CELF2: variants seen among roughly 807,000 people sequenced by gnomAD.
The protein encoded by CELF2 is CUGBP Elav-like family member 2, also known as CUG triplet repeat RNA-binding protein 2.
Under a neutral mutation model 62.6 loss-of-function variants are expected in CELF2, and 8 were observed. The observed-to-expected ratio is 0.13, with a 90% CI of 0.07 to 0.23. The LOEUF (loss-of-function observed/expected upper bound fraction) is 0.23, where lower values mean the gene tolerates loss of function less well. Ranked by LOEUF, CELF2 falls within the 10% of genes least tolerant of loss-of-function variation. The pLI is 1.00. For missense variants in CELF2, 333 were observed against 671.0 expected (o/e 0.50, Z 5.56); for synonymous variants, 258 against 250.0 (o/e 1.03, Z -0.30).
chr10:10,900,463 T>A (rs1209943543), intron 1 of CELF2, among the ~76,000 whole-genome samples: 1 of 152,146 alleles, frequency 6.6e-6, no homozygotes, highest in Non-Finnish European at 1.5e-5. Context: ...AAAAACCACA[T>A]AATCATCTCA....
At chr10:10,653,670 G>A in the CELF2 span, among the ~76,000 whole-genome samples, 13 of 145,292 alleles carry the variant, frequency 8.9e-5, no homozygotes, top group Admixed American at 1.4e-4. Flanking sequence ...TGAAACCAAC[G>A]AGAACAAAGA....
upstream of CELF2, among the ~76,000 whole-genome samples, chr10:11,013,978 T>G (rs1435942983): frequency 2.0e-5 from 3 of 152,186 alleles, no homozygotes; most frequent in Admixed American, 1.3e-4. This position sits in a 1 kb window ranked among gnomAD's most constrained non-coding sequence, Gnocchi z 4.1. Context: ...AGTCAGATAT[T>G]CTCTCAGGTA....
At chr10:11,095,778 C>T (rs916013523) in intron 1 of CELF2, among the ~76,000 whole-genome samples, 3 of 152,040 alleles carry the variant, frequency 2.0e-5, no homozygotes, top group Admixed American at 6.5e-5. Context: ...TGACAGGAGA[C>T]GCTTCGAAAT....
intron 2 of CELF2, among the ~76,000 whole-genome samples, chr10:11,182,319 G>A (rs2073692512): frequency 6.6e-6 from 1 of 152,192 alleles, no homozygotes; most frequent in African/African-American, 2.4e-5. Flanking sequence ...AGATCCCGTA[G>A]TGCACACTGC....
chr10:10,849,906 G>T (rs2059273671), intron 1 of CELF2, among the ~76,000 whole-genome samples: 1 of 152,006 alleles, frequency 6.6e-6, no homozygotes, highest in South Asian at 2.1e-4. Flanking sequence ...ACTTTGGGAG[G>T]CCGAGGCAGG....
the CELF2 span, among the ~76,000 whole-genome samples, chr10:10,593,810 A>G: frequency 2.0e-5 from 3 of 152,190 alleles, no homozygotes; most frequent in Non-Finnish European, 4.4e-5. Context: ...TGGCTCCACC[A>G]CATTCCACAC....
At chr10:11,127,800 GAT>G (rs1564851945) in intron 1 of CELF2, among the ~76,000 whole-genome samples, 3 of 152,300 alleles carry the variant, frequency 2.0e-5, no homozygotes, top group Non-Finnish European at 2.9e-5. Flanking sequence ...CAGATGAGTA[GAT>G]TGTAACAATT....
intron 1 of CELF2, among the ~76,000 whole-genome samples, chr10:10,904,410 T>C (rs1200341819): frequency 6.6e-6 from 1 of 152,024 alleles, no homozygotes; most frequent in Non-Finnish European, 1.5e-5. Flanking sequence ...ATTTTTATTT[T>C]TTGTAAAGAC....
At chr10:10,858,622 G>C (rs1335934840) in intron 1 of CELF2, among the ~76,000 whole-genome samples, 5 of 151,928 alleles carry the variant, frequency 3.3e-5, no homozygotes, top group African/African-American at 9.7e-5. Flanking sequence ...TACTCCATTA[G>C]AATTAAAAAT....
At chr10:11,284,470 T>G (rs2090427679) in intron 8 of CELF2, among the ~76,000 whole-genome samples, 1 of 147,022 alleles carries the variant, frequency 6.8e-6, no homozygotes, top group African/African-American at 2.6e-5. Context: ...GATGAGTGTG[T>G]GGTGGGTGGA....
intron 3 of CELF2, among the ~76,000 whole-genome samples, chr10:11,248,887 C>T (rs2076353985): frequency 6.6e-6 from 1 of 152,224 alleles, no homozygotes; most frequent in Non-Finnish European, 1.5e-5. Context: ...TATCGAGTGG[C>T]AGAACCAGGT....
At chr10:10,676,736 T>C in the CELF2 span, among the ~76,000 whole-genome samples, 5 of 152,144 alleles carry the variant, frequency 3.3e-5, no homozygotes, top group Non-Finnish European at 7.4e-5. Flanking sequence ...GTTTCCAGTT[T>C]GGAGGGCAGA....
chr10:10,966,793 C>T (rs990089828), intron 2 of CELF2: 1 of 152,190 alleles, frequency 6.6e-6, no homozygotes, highest in Non-Finnish European at 1.5e-5. Context: ...TCCCCGTGCC[C>T]CGGAGCCCAG....
the CELF2 span, among the ~76,000 whole-genome samples, chr10:10,513,026 GT>G: frequency 2.0e-5 from 3 of 152,116 alleles, no homozygotes; most frequent in Admixed American, 6.5e-5. Context: ...CATGGTGGTG[GT>G]TTTCTGGTGA....
the CELF2 span, among the ~76,000 whole-genome samples, chr10:10,479,887 T>G: frequency 6.6e-6 from 1 of 152,196 alleles, no homozygotes; most frequent in Non-Finnish European, 1.5e-5. Flanking sequence ...CCTTTTTACC[T>G]TTTTCTGTGC....
chr10:11,026,398 G>A (rs1282248891), intron 1 of CELF2, among the ~76,000 whole-genome samples: 2 of 152,194 alleles, frequency 1.3e-5, no homozygotes, highest in African/African-American at 4.8e-5. Flanking sequence ...ACACACCCAG[G>A]TGTTTTCTCT....
In CELF2 at chr10:11,300,505, C is replaced by G. The variant is rs1296018331; in HGVS notation, c.976+11953C>G. Among the ~76,000 whole-genome samples the G allele has an allele frequency of 6.6e-6, 1 of 152,204 alleles. No homozygotes were observed. The highest frequency in any genetic ancestry group is 1.5e-5 in the Non-Finnish European group (1 of 68,036). On this transcript the variant is annotated intron_variant, in intron 9 of 12. Transcript: ENST00000633077. This position sits in a 1 kb window ranked among gnomAD's most constrained non-coding sequence, Gnocchi z 5.5. ...GGTCACACCTCACCACTGCAGCGCC[C>G]AGTGTCACTTTCCAACCCTACCTCC...
rs1205660356 is a variant in CELF2, at chr10:11,017,989, G to A, written c.-101G>A. The A allele has an allele frequency of 1.5e-5, 15 of 995,496 alleles. No individual in the cohort carries two copies. Among genetic ancestry groups the A allele is most frequent in the Non-Finnish European group, 1.7e-5 (14 of 837,636 alleles). The allele number at this position is 995,496 out of a possible 1,614,324, so 61.7% of individuals were successfully genotyped here. ...AGTGCCGGCTCGGCGGCCGCCGGGG[G>A]AGGCCGCGCGCACCTGTCCCTGCCC... On this transcript the variant is annotated 5_prime_UTR_variant, in exon 1 of 13. Coordinates refer to ENST00000633077, the MANE Select transcript of CELF2 (RefSeq NM_001326342.2). The surrounding 1 kb of genome is among the most constrained non-coding windows in gnomAD (Gnocchi z 5.5).
At chr10:10,967,086 T>G (rs1247323415) in intron 2 of CELF2, among the ~76,000 whole-genome samples, 5 of 152,070 alleles carry the variant, frequency 3.3e-5, no homozygotes, top group Non-Finnish European at 7.4e-5. Context: ...AGTACCAAAG[T>G]AGGTTCACGG....
Sources: allele counts gnomAD v4.1 joint callset (sites outside exome capture counted in the v4.1 genomes callset), GRCh38; gene constraint gnomAD v4.1.1; non-coding constraint Gnocchi (gnomAD v3.1); transcripts MANE v1.5; gene names NCBI Gene and HGNC (gene_info 2026-07-23, HGNC 2026-07-21).